Variants in TET1 observed in about 807,000 individuals in gnomAD.
TET1 encodes tet methylcytosine dioxygenase 1.
Under a neutral mutation model 148.7 loss-of-function variants are expected in TET1, and 13 were observed. The ratio of observed to expected loss-of-function variants is 0.09; its 90% CI spans 0.06 to 0.14. The LOEUF is 0.14. Among genes scored for constraint, TET1 ranks in the 10% least tolerant of loss-of-function variants. The pLI is 1.00. For missense variants in TET1, 2,182 were observed against 2,553.8 expected (o/e 0.85, Z 3.14); for synonymous variants, 907 against 937.2 (o/e 0.97, Z 0.59).
chr10:68,656,250 C>G (rs1460225942), intron 6 of TET1, among the ~76,000 whole-genome samples: 3 of 152,178 alleles, frequency 2.0e-5, no homozygotes, highest in Non-Finnish European at 4.4e-5. Context: ...CTGCCCCTGG[C>G]CCCACCTCTG....
chr10:68,666,065 A>G lies in TET1; in HGVS notation c.4462-980A>G, dbSNP rs61868126. On this transcript the variant is annotated intron_variant, in intron 6 of 11. Transcript: ENST00000373644. ...TCTGCACTTTCTAAATTTTTGATAC[A>G]TGGAGGCAGTTTTAAATGGTTGGAT... Among the ~76,000 whole-genome samples, 892 of 152,036 alleles carry G rather than the reference A, an allele frequency of 5.9e-3. 5 individuals are homozygous for G. Among genetic ancestry groups the G allele is most frequent in the Admixed American group, 0.013 (195 of 15,270 alleles).
At position 68,652,952 on chromosome 10, in the gene TET1, T is replaced by G. The variant is rs146769335; in HGVS notation, c.4461+358T>G. Among the ~76,000 whole-genome samples the G allele has an allele frequency of 3.8e-3, 575 of 151,120 alleles. 4 individuals carry two copies. Among genetic ancestry groups the G allele is most frequent in the African/African-American group, 0.013 (542 of 41,240 alleles). ...GCGTGAGCTACTGTACTGGGCCAGA[T>G]TTTTTAATAGATTTTTAAGTAAATT... is the stretch of plus-strand genomic sequence containing the variant. On this transcript the variant is annotated intron_variant, in intron 6 of 11. Transcript: ENST00000373644.
intron 7 of TET1, among the ~76,000 whole-genome samples, chr10:68,672,510 A>C (rs1188799513): frequency 5.5e-5 from 8 of 144,554 alleles, no homozygotes; most frequent in African/African-American, 2.1e-4. Flanking sequence ...AAAAAAAAAA[A>C]ACACCAAAAA....
Position 68,667,369 on chromosome 10 carries a change from T to C in TET1, c.4673+113T>C, listed in dbSNP as rs971103430. The C allele has an allele frequency of 1.4e-5, 13 of 910,868 alleles. 1 individual carries two copies. The East Asian group carries it at 2.9e-4, about 20-fold the overall frequency. The allele number at this position is 910,868 out of a possible 1,614,324, so 56.4% of individuals were successfully genotyped here. A position where few individuals can be genotyped will look rare whatever the true frequency, so the allele number is the denominator to read the frequency against. The stretch of plus-strand genomic sequence containing the variant: ...TATATGGGAGAATAGGATTTGAGTA[T>C]TGTGGAATTAAAAAGAATGAACATT... On this transcript the variant is annotated intron_variant, in intron 7 of 11. Coordinates refer to ENST00000373644, the MANE Select transcript of TET1 (RefSeq NM_030625.3).
chr10:68,571,839 G>T (rs369633412), intron 1 of TET1, among the ~76,000 whole-genome samples: 2 of 152,136 alleles, frequency 1.3e-5, no homozygotes, highest in East Asian at 3.9e-4. Flanking sequence ...CTTTTAACTG[G>T]CCGGGCACGC....
At chr10:68,595,707 T>C (rs1254752047) in intron 2 of TET1, among the ~76,000 whole-genome samples, 1 of 139,298 alleles carries the variant, frequency 7.2e-6, no homozygotes, top group Non-Finnish European at 1.5e-5. Flanking sequence ...AAACTCCGCC[T>C]GCCGGTTTCC....
At chr10:68,672,801 C>A in intron 7 of TET1, 94 bp from the exon 8 acceptor site, 1 of 992,562 alleles carries the variant, frequency 1.0e-6, no homozygotes, top group Non-Finnish European at 1.5e-6. Flanking sequence ...GTTCTTTAGG[C>A]ATCCATCCTT....
At chr10:68,604,020 T>C (rs905277118) in intron 3 of TET1, among the ~76,000 whole-genome samples, 1 of 152,292 alleles carries the variant, frequency 6.6e-6, no homozygotes, top group African/African-American at 2.4e-5. Context: ...GTTATTTTCA[T>C]ATATAGATGA....
chr10:68,605,043 T>C (rs1228824048), intron 3 of TET1, among the ~76,000 whole-genome samples: 1 of 152,142 alleles, frequency 6.6e-6, no homozygotes, highest in African/African-American at 2.4e-5. Context: ...TATAAAGAAA[T>C]GTCAGTGGAT....
intron 7 of TET1, among the ~76,000 whole-genome samples, chr10:68,669,511 T>G (rs1167125515): frequency 2.5e-4 from 34 of 135,600 alleles, no homozygotes; most frequent in Non-Finnish European, 3.5e-4. Context: ...TTGTATTTTT[T>G]GGGGGGGTTT....
intron 2 of TET1, among the ~76,000 whole-genome samples, chr10:68,584,220 T>G (rs988407444): frequency 6.6e-6 from 1 of 150,968 alleles, no homozygotes; most frequent in Non-Finnish European, 1.5e-5. Flanking sequence ...TTTTTTATTT[T>G]TATTAGAGAT....
intron 9 of TET1, among the ~76,000 whole-genome samples, chr10:68,682,576 T>G (rs985711186): frequency 6.6e-6 from 1 of 152,244 alleles, no homozygotes; most frequent in Non-Finnish European, 1.5e-5. Flanking sequence ...TTTACTTGCT[T>G]ATCCATCTCC....
chr10:68,629,693 A>G (rs7073370), intron 3 of TET1, among the ~76,000 whole-genome samples: 76,348 of 151,562 alleles, frequency 0.5, 19,896 homozygotes, highest in Non-Finnish European at 0.58. Context: ...GCCTGCCACC[A>G]CACCCGGCCA....
At chr10:68,623,003 ACTTTGATCT>A (rs1366938152) in intron 3 of TET1, among the ~76,000 whole-genome samples, 21 of 152,144 alleles carry the variant, frequency 1.4e-4, no homozygotes, top group Non-Finnish European at 1.5e-4. Flanking sequence ...ATCTGGGTTA[ACTTTGATCT>A]CTTGGCTTAA....
At chr10:68,668,943 C>T (rs1355539176) in intron 7 of TET1, among the ~76,000 whole-genome samples, 1 of 151,462 alleles carries the variant, frequency 6.6e-6, no homozygotes, top group Non-Finnish European at 1.5e-5. Flanking sequence ...TATGATGATG[C>T]CACTGAACTC....
intron 7 of TET1, among the ~76,000 whole-genome samples, chr10:68,672,487 C>CAAAAAAAAA (rs71483920): frequency 9.3e-4 from 46 of 49,668 alleles, no homozygotes; most frequent in Admixed American, 1.2e-3. Flanking sequence ...GACCCCATCT[C>CAAAAAAAAA]AAAAAAAAAA....
chr10:68,594,452 G>A (rs1229527632), intron 2 of TET1, among the ~76,000 whole-genome samples: 1 of 152,164 alleles, frequency 6.6e-6, no homozygotes, highest in African/African-American at 2.4e-5. Flanking sequence ...GCTATTACCA[G>A]CAGAACTGCT....
rs1286255704 is a variant in TET1 at position 68,593,917 on chromosome 10, T to TTA, written c.1915-7063_1915-7062insAT. Reference sequence around the variant, plus strand: ...GCGTGAGCCACTGCGCCTGAGCTATTTTTTTTTTTTTTTTTTTTTTTTTTT... The same window carrying TTA: ...GCGTGAGCCACTGCGCCTGAGCTATTTATTTTTTTTTTTTTTTTTTTTTTTTT... On this transcript the variant is annotated intron_variant, in intron 2 of 11. Transcript: ENST00000373644. 7.9e-5 allele frequency among the ~76,000 whole-genome samples: 7 copies of TTA among 88,846 alleles called. 2 individuals carry two copies. The highest frequency in any genetic ancestry group is 2.9e-4 in the African/African-American group (7 of 24,416). The allele number at this position is 88,846 out of a possible 152,430, so 58.3% of individuals were successfully genotyped here.
chr10:68,612,961 TC>T (rs997158988), intron 3 of TET1, among the ~76,000 whole-genome samples: 9 of 152,198 alleles, frequency 5.9e-5, no homozygotes, highest in Admixed American at 1.3e-4. Context: ...AGAGTAGTAT[TC>T]ACCTTTTTGT....
Sources: allele counts gnomAD v4.1 joint callset (sites outside exome capture counted in the v4.1 genomes callset), GRCh38; gene constraint gnomAD v4.1.1; transcripts MANE v1.5; gene names NCBI Gene and HGNC (gene_info 2026-07-23, HGNC 2026-07-21).